Variants in CNTNAP5 observed in about 807,000 individuals in gnomAD.
The protein encoded by CNTNAP5 is contactin-associated protein-like 5.
A neutral mutation model predicts 150.2 loss-of-function variants in CNTNAP5; 72 were observed. The ratio of observed to expected loss-of-function variants is 0.48; its 90% CI spans 0.40 to 0.58. CNTNAP5 has a LOEUF of 0.58. Among genes scored for constraint, CNTNAP5 ranks in the 20% least tolerant of loss-of-function variants. CNTNAP5 has a pLI of 0.00. For synonymous variants in CNTNAP5, 672 were observed against 619.8 expected (o/e 1.08, Z -1.25); for missense variants, 1,636 against 1,626.2 (o/e 1.01, Z -0.10).
intron 13 of CNTNAP5, among the ~76,000 whole-genome samples, chr2:124,656,103 T>C (rs1678452577): frequency 6.6e-6 from 1 of 151,336 alleles, no homozygotes; most frequent in Non-Finnish European, 1.5e-5. Context: ...CTAGCCCACA[T>C]TCCAGGGGAG....
intron 3 of CNTNAP5, among the ~76,000 whole-genome samples, chr2:124,403,754 C>A (rs938453825): frequency 1.3e-5 from 2 of 152,126 alleles, no homozygotes; most frequent in African/African-American, 4.8e-5. Flanking sequence ...TAAAGACATA[C>A]CCGAGACTGG....
chr2:124,607,913 T>A (rs916454620), intron 11 of CNTNAP5, among the ~76,000 whole-genome samples: 2 of 152,194 alleles, frequency 1.3e-5, no homozygotes, highest in African/African-American at 2.4e-5. Flanking sequence ...ATGCTCACAA[T>A]GTGGGGCACA....
At chr2:124,254,417 G>C (rs892126134) in intron 3 of CNTNAP5, among the ~76,000 whole-genome samples, 1 of 152,122 alleles carries the variant, frequency 6.6e-6, no homozygotes, top group South Asian at 2.1e-4. Context: ...TCTCCCTTTC[G>C]TGGCTCCTGC....
chr2:124,260,775 A>G lies in CNTNAP5; in HGVS notation c.381+18382A>G, dbSNP rs533935554. On this transcript the variant is annotated intron_variant, in intron 3 of 23. Coordinates refer to ENST00000682447, the MANE Select transcript of CNTNAP5 (RefSeq NM_001367498.1). ...GGAAACATTCATTCATTCACAGAGT[A>G]AGAGCTGTACACTGAAATGAAAATA... 5.9e-5 allele frequency among the ~76,000 whole-genome samples: 9 copies of G among 152,336 alleles called. No individual in the cohort carries two copies. The South Asian group carries it at 1.9e-3, about 32-fold the overall frequency.
chr2:124,630,458 A>C (rs1677829223), intron 12 of CNTNAP5, among the ~76,000 whole-genome samples: 1 of 152,178 alleles, frequency 6.6e-6, no homozygotes, highest in African/African-American at 2.4e-5. Context: ...CATAAACAGA[A>C]CTAAAGATAA....
At position 124,280,268 on chromosome 2, in the gene CNTNAP5, A is replaced by G. The variant is rs147839061; in HGVS notation, c.381+37875A>G. Among the ~76,000 whole-genome samples, 342 of 152,158 alleles carry G rather than the reference A, an allele frequency of 2.2e-3. 1 individual carries two copies. Among genetic ancestry groups the G allele is most frequent in the African/African-American group, 7.7e-3 (321 of 41,518 alleles). ...CTGAAACCTCTACCTCCCTGGTTCA[A>G]GCAATTCCTCTGTCTCAGCCTCCTG... On this transcript the variant is annotated intron_variant, in intron 3 of 23. Transcript: ENST00000682447.
At chr2:124,905,960 G>A (rs115232886) in intron 22 of CNTNAP5, among the ~76,000 whole-genome samples, 78 of 152,238 alleles carry the variant, frequency 5.1e-4, no homozygotes, top group African/African-American at 1.9e-3. Context: ...GTGGGAGATG[G>A]GCTCTGGATT....
intron 3 of CNTNAP5, among the ~76,000 whole-genome samples, chr2:124,348,108 A>G (rs950628891): frequency 6.6e-6 from 1 of 152,064 alleles, no homozygotes; most frequent in African/African-American, 2.4e-5. Flanking sequence ...TTTACCCACA[A>G]TAGTACTCAT....
intron 19 of CNTNAP5, among the ~76,000 whole-genome samples, chr2:124,858,006 C>T (rs1002571543): frequency 2.6e-5 from 4 of 152,060 alleles, no homozygotes; most frequent in African/African-American, 9.7e-5. Context: ...TTTCAACAGC[C>T]CTTGATGCTA....
At chr2:124,705,348 T>A (rs556874212) in intron 13 of CNTNAP5, among the ~76,000 whole-genome samples, 2 of 152,070 alleles carry the variant, frequency 1.3e-5, no homozygotes, top group Non-Finnish European at 2.9e-5. Context: ...GCCAACCTGA[T>A]GAGACCTCGT....
chr2:124,781,656 G>A (rs901170448), intron 17 of CNTNAP5, among the ~76,000 whole-genome samples: 7 of 143,984 alleles, frequency 4.9e-5, no homozygotes, highest in Non-Finnish European at 9.2e-5. Context: ...GGTACTCAAC[G>A]TGGACACTGC....
chr2:124,772,933 C>A lies in CNTNAP5; in HGVS notation c.2668C>A (p.Gln890Lys), dbSNP rs1681236488. 1 of 1,613,622 alleles carries A rather than the reference C, an allele frequency of 6.2e-7. No homozygotes were observed. Among genetic ancestry groups the A allele is most frequent in the East Asian group, 2.2e-5 (1 of 44,854 alleles). The part of the protein sequence containing the change: ...AERNLKETSL[Q>K]VDNLPRSTRE... ...GAGGAACCTCAAGGAGACCTCCCTG[C>A]AGGTGGACAACCTTCCAAGGAGCAC... The change falls in exon 17 of 24, where the codon CAG (glutamine) becomes AAG (lysine). Residue 890 changes from glutamine (Q) to lysine (K), a missense_variant. Gln to Lys is a moderately conservative substitution (Grantham distance 53). Transcript: ENST00000682447.
chr2:124,209,302 GT>G (rs1200253898), intron 1 of CNTNAP5, among the ~76,000 whole-genome samples: 1 of 152,172 alleles, frequency 6.6e-6, no homozygotes, highest in African/African-American at 2.4e-5. Flanking sequence ...TGCCTACCCA[GT>G]TAATACTCTT....
At chr2:124,728,203 C>A (rs1463925665) in intron 13 of CNTNAP5, among the ~76,000 whole-genome samples, 1 of 151,884 alleles carries the variant, frequency 6.6e-6, no homozygotes, top group African/African-American at 2.4e-5. Flanking sequence ...AGTATTCTAT[C>A]GAGGATTCTT....
chr2:124,070,897 ATTC>A (rs904113645), intron 1 of CNTNAP5, among the ~76,000 whole-genome samples: 1 of 152,016 alleles, frequency 6.6e-6, no homozygotes, highest in African/African-American at 2.4e-5. Context: ...CAGAAAATAC[ATTC>A]TTCTCCTCAG....
chr2:124,434,665 G>A lies in CNTNAP5; in HGVS notation c.711G>A (p.Arg237=). ...TCACCTTGGAACTCCAGAAGGGGAG[G>A]CTCGCCCTACACCTCAATTTGGGTA... ...DHITLELQKG[R]LALHLNLGDS... The change falls in exon 5 of 24, where the codon AGG becomes AGA. Residue 237 remains arginine (R), a synonymous_variant. Transcript: ENST00000682447. 1 of 1,612,622 alleles carries A rather than the reference G, an allele frequency of 6.2e-7. No individual in the cohort carries two copies. Among genetic ancestry groups the A allele is most frequent in the Non-Finnish European group, 8.5e-7 (1 of 1,179,366 alleles).
chr2:124,905,038 C>CAAAAAAAAA (rs55882801), intron 22 of CNTNAP5, among the ~76,000 whole-genome samples: 2 of 50,680 alleles, frequency 3.9e-5, no homozygotes, highest in East Asian at 4.4e-4. Context: ...AACTCAATAG[C>CAAAAAAAAA]AAAAAAAAAA....
At chr2:124,661,952 T>C (rs1331131410) in intron 13 of CNTNAP5, among the ~76,000 whole-genome samples, 1 of 152,102 alleles carries the variant, frequency 6.6e-6, no homozygotes, top group Non-Finnish European at 1.5e-5. Context: ...GCTGCACCAG[T>C]CAGTCCATCA....
chr2:124,196,046 A>T (rs968112658), intron 1 of CNTNAP5, among the ~76,000 whole-genome samples: 12 of 151,618 alleles, frequency 7.9e-5, no homozygotes, highest in Admixed American at 5.9e-4. Flanking sequence ...TTGTAAAATA[A>T]ATGATACCAG....
Sources: gnomAD v4.1 joint callset for allele counts (sites outside exome capture counted in the v4.1 genomes callset) on GRCh38, gnomAD v4.1.1 for gene constraint, MANE v1.5 for transcripts, NCBI Gene and HGNC (gene_info 2026-07-23, HGNC 2026-07-21) for gene names.